NCOA2: variants seen among roughly 807,000 people sequenced by gnomAD.
The protein encoded by NCOA2 is class E basic helix-loop-helix protein 75.
NCOA2 carries 21 observed loss-of-function variants against 145.1 expected under a neutral mutation model. The ratio of observed to expected loss-of-function variants is 0.14; its 90% confidence interval spans 0.10 to 0.21. NCOA2 has a LOEUF of 0.21. Among genes scored for constraint, NCOA2 ranks in the 10% least tolerant of loss-of-function variants. The probability of loss-of-function intolerance (pLI) is 1.00; values close to 1 mark genes in which losing one functional copy is unlikely to be tolerated. For synonymous variants in NCOA2, 619 were observed against 637.5 expected, an observed-to-expected ratio of 0.97 and a Z score of 0.44; for missense variants, 1,472 against 1,837.6, an observed-to-expected ratio of 0.80 and a Z score of 3.64.
intron 1 of NCOA2, among the ~76,000 whole-genome samples, chr8:70,376,068 AG>A (rs1386743376): frequency 1.3e-5 from 2 of 152,324 alleles, no homozygotes; most frequent in Non-Finnish European, 2.9e-5. Context: ...CTCAGTCCAT[AG>A]GAACACTGTC....
intron 11 of NCOA2, among the ~76,000 whole-genome samples, chr8:70,155,447 T>C (rs1192460263): frequency 6.6e-6 from 1 of 152,146 alleles, no homozygotes; most frequent in African/African-American, 2.4e-5. Context: ...TTATCTCCAA[T>C]TCAGGCAGCT....
At position 70,384,621 on chromosome 8, in the gene NCOA2, C is replaced by A. The variant is rs181468398; in HGVS notation, c.-77+19079G>T. 1.5e-4 allele frequency among the ~76,000 whole-genome samples: 23 copies of A among 152,290 alleles called. 1 individual carries two copies. The highest frequency in any genetic ancestry group is 1.5e-3 in the Admixed American group (23 of 15,304). On this transcript the variant is annotated intron_variant, in intron 1 of 22. Coordinates refer to ENST00000452400, the MANE Select transcript of NCOA2 (RefSeq NM_006540.4). ...AATGTGAATTTTATATACTATATTTCTTGGATTATTTTCCATATGATAATT... is the reference window on the plus strand; with the variant it reads ...AATGTGAATTTTATATACTATATTTATTGGATTATTTTCCATATGATAATT...
chr8:70,350,502 CT>C (rs1268392019), intron 1 of NCOA2, among the ~76,000 whole-genome samples: 1 of 152,178 alleles, frequency 6.6e-6, no homozygotes, highest in Non-Finnish European at 1.5e-5. Flanking sequence ...ACATAATACA[CT>C]TTTTCCTCTA....
At chr8:70,357,990 G>A (rs984938684) in intron 1 of NCOA2, among the ~76,000 whole-genome samples, 1 of 152,116 alleles carries the variant, frequency 6.6e-6, no homozygotes, top group African/African-American at 2.4e-5. Flanking sequence ...GGCGGAGGAT[G>A]CAGTGAGCCG....
chr8:70,323,485 A>C (rs1806272838), intron 1 of NCOA2, among the ~76,000 whole-genome samples: 2 of 152,228 alleles, frequency 1.3e-5, no homozygotes, highest in African/African-American at 4.8e-5. Context: ...TATCTGAGGT[A>C]GGAAAAAAAA....
the NCOA2 span, among the ~76,000 whole-genome samples, chr8:70,413,982 A>G: frequency 6.6e-6 from 1 of 152,142 alleles, no homozygotes; most frequent in South Asian, 2.1e-4. Context: ...AGGTATGTGA[A>G]TATTTATTAT....
At chr8:70,147,136 G>A (rs893273041) in intron 12 of NCOA2, among the ~76,000 whole-genome samples, 3 of 151,996 alleles carry the variant, frequency 2.0e-5, no homozygotes, top group East Asian at 2.0e-4. Context: ...GCGTGTGTGT[G>A]TGTGTGTGTG....
chr8:70,141,460 G>T, intron 13 of NCOA2, 61 bp from the exon 14 acceptor site: 2 of 1,401,240 alleles, frequency 1.4e-6, no homozygotes, highest in South Asian at 1.2e-5. Context: ...TAGCATGTAT[G>T]AACACCAGAT....
chr8:70,210,883 G>A (rs1157665482), intron 4 of NCOA2, among the ~76,000 whole-genome samples: 1 of 152,138 alleles, frequency 6.6e-6, no homozygotes, highest in African/African-American at 2.4e-5. Flanking sequence ...GTTCTCCTGA[G>A]CTCCCAAATG....
chr8:70,166,520 G>A (rs755382232), intron 7 of NCOA2, 46 bp downstream of exon 7: 4 of 1,594,196 alleles, frequency 2.5e-6, no homozygotes, highest in Admixed American at 1.7e-5. Context: ...AGTAGCACAG[G>A]AATAAATACA....
chr8:70,124,109 A>G, intron 20 of NCOA2, 27 bp from the exon 21 acceptor site: 1 of 1,601,818 alleles, frequency 6.2e-7, no homozygotes, highest in Non-Finnish European at 8.5e-7. Flanking sequence ...AGATTGAATG[A>G]ATGTTACAGC....
At chr8:70,451,143 G>A in the NCOA2 span, among the ~76,000 whole-genome samples, 9 of 147,132 alleles carry the variant, frequency 6.1e-5, no homozygotes, top group African/African-American at 1.3e-4. Context: ...GTGTGAACCC[G>A]GGAGGCGGAG....
At chr8:70,148,627 T>A in intron 11 of NCOA2, 144 bp from the exon 12 acceptor site, 1 of 666,390 alleles carries the variant, frequency 1.5e-6, no homozygotes, top group South Asian at 2.0e-5. Context: ...GCCTAACAGA[T>A]AATTGATCAT....
At chr8:70,418,583 G>C in the NCOA2 span, among the ~76,000 whole-genome samples, 5 of 152,106 alleles carry the variant, frequency 3.3e-5, no homozygotes, top group Non-Finnish European at 7.3e-5. Flanking sequence ...AGACCACACC[G>C]AGTCCCCCAT....
intron 18 of NCOA2, among the ~76,000 whole-genome samples, chr8:70,127,491 CA>C (rs1402112689): frequency 1.3e-5 from 2 of 151,968 alleles, no homozygotes; most frequent in Non-Finnish European, 2.9e-5. Flanking sequence ...TGAGCAGAGG[CA>C]GGAGGAAAAG....
At chr8:70,197,745 G>A (rs1407452777) in intron 4 of NCOA2, among the ~76,000 whole-genome samples, 1 of 151,938 alleles carries the variant, frequency 6.6e-6, no homozygotes, top group Non-Finnish European at 1.5e-5. Flanking sequence ...GTCCTTAAAT[G>A]TGTTCTTTTT....
chr8:70,343,946 TC>T (rs1808375170), intron 1 of NCOA2, among the ~76,000 whole-genome samples: 1 of 152,186 alleles, frequency 6.6e-6, no homozygotes, highest in Non-Finnish European at 1.5e-5. Context: ...GTGAACAATG[TC>T]ATAAATGATT....
chr8:70,410,689 G>C, the NCOA2 span, among the ~76,000 whole-genome samples: 2 of 152,188 alleles, frequency 1.3e-5, no homozygotes, highest in African/African-American at 4.8e-5. Flanking sequence ...GAGGAACAAA[G>C]TGTGGTATAT....
intron 2 of NCOA2, among the ~76,000 whole-genome samples, chr8:70,286,707 C>T (rs1826256333): frequency 6.6e-6 from 1 of 152,034 alleles, no homozygotes; most frequent in African/African-American, 2.4e-5. Flanking sequence ...TTTTTGTGTT[C>T]ATGGTAAATA....
Sources: allele counts gnomAD v4.1 joint callset (sites outside exome capture counted in the v4.1 genomes callset), GRCh38; gene constraint gnomAD v4.1.1; transcripts MANE v1.5; gene names NCBI Gene and HGNC (gene_info 2026-07-23, HGNC 2026-07-21).